The following SLC12A1 variants were observed in gnomAD, a reference collection of about 807,000 sequenced individuals.
SLC12A1 encodes solute carrier family 12 member 1.
In SLC12A1, 89 loss-of-function variants were observed where a neutral mutation model predicts 130.4. That is an observed-to-expected ratio of 0.68 (90% CI 0.58 to 0.81). SLC12A1 has a LOEUF of 0.81. Ranked by LOEUF, SLC12A1 falls within the 40% of genes least tolerant of loss-of-function variation. SLC12A1 has a pLI of 0.00. For missense variants in SLC12A1, 1,310 were observed against 1,336.4 expected, an observed-to-expected ratio of 0.98 and a Z score of 0.31; for synonymous variants, 499 against 460.0, an observed-to-expected ratio of 1.08 and a Z score of -1.09.
chr15:48,217,509 T>G (rs866702758), intron 2 of SLC12A1, among the ~76,000 whole-genome samples: 4 of 152,208 alleles, frequency 2.6e-5, no homozygotes, highest in African/African-American at 9.6e-5. Context: ...AACATATTCC[T>G]CAGGTAATTA....
Position 48,215,952 on chromosome 15 carries a change from C to A in SLC12A1, c.421-4682C>A, listed in dbSNP as rs527656618. 2.0e-5 allele frequency among the ~76,000 whole-genome samples: 3 copies of A among 152,246 alleles called. No homozygotes were observed. In the East Asian group the frequency reaches 5.8e-4, roughly 29 times the overall value. ...TCCAAGTATCCTAGTTTATACGGTGCAGGATTTTTTGGCTCCTACATGAGA... is the reference window on the plus strand; with the variant it reads ...TCCAAGTATCCTAGTTTATACGGTGAAGGATTTTTTGGCTCCTACATGAGA... On this transcript the variant is annotated intron_variant, in intron 2 of 26. Coordinates refer to ENST00000380993, the MANE Select transcript of SLC12A1 (RefSeq NM_000338.3).
chr15:48,271,454 C>A (rs909378413), intron 19 of SLC12A1, among the ~76,000 whole-genome samples: 1 of 152,114 alleles, frequency 6.6e-6, no homozygotes, highest in Non-Finnish European at 1.5e-5. Flanking sequence ...AACAAGTATA[C>A]GCTTAACACT....
chr15:48,235,345 TA>T (rs5812439), intron 9 of SLC12A1: 69 of 238,670 alleles, frequency 2.9e-4, no homozygotes, highest in East Asian at 1.9e-3. Context: ...CCTGTAAAAG[TA>T]AAAAAAAAAC....
intron 19 of SLC12A1, among the ~76,000 whole-genome samples, chr15:48,274,192 T>C (rs2041927048): frequency 6.6e-6 from 1 of 152,136 alleles, no homozygotes; most frequent in African/African-American, 2.4e-5. Context: ...TTGGGGGTGG[T>C]GGCTAATCAT....
chr15:48,240,898 T>C (rs2041508465), intron 9 of SLC12A1, among the ~76,000 whole-genome samples: 1 of 152,210 alleles, frequency 6.6e-6, no homozygotes, highest in Non-Finnish European at 1.5e-5. Flanking sequence ...TATACATTTA[T>C]AAGCAAGAGA....
chr15:48,238,024 GAAAA>G (rs201083408), intron 9 of SLC12A1, among the ~76,000 whole-genome samples: 1 of 150,378 alleles, frequency 6.6e-6, no homozygotes, highest in African/African-American at 2.4e-5. Context: ...AGAAGAAATA[GAAAA>G]AAAAATGTTT....
intron 24 of SLC12A1, among the ~76,000 whole-genome samples, chr15:48,292,904 T>C (rs540323843): frequency 5.3e-4 from 81 of 152,142 alleles, no homozygotes; most frequent in Non-Finnish European, 9.7e-4. Context: ...ATAACAATGA[T>C]ATTTTTGGGG....
At chr15:48,257,406 G>A (rs183382520) in intron 16 of SLC12A1, among the ~76,000 whole-genome samples, 30 of 152,224 alleles carry the variant, frequency 2.0e-4, no homozygotes, top group Middle Eastern at 3.4e-3. Flanking sequence ...TGGGGGCTCC[G>A]ACCCCACATT....
At chr15:48,302,693 G>A (rs917757133) in intron 26 of SLC12A1, 57 bp from the exon 27 acceptor site, 1 of 1,251,136 alleles carries the variant, frequency 8.0e-7, no homozygotes, top group East Asian at 2.5e-5. Flanking sequence ...TACTAGTGCC[G>A]TTACTACCTA....
intron 17 of SLC12A1, among the ~76,000 whole-genome samples, chr15:48,260,348 T>TCACACACACACA (rs10673427): frequency 7.6e-5 from 11 of 144,338 alleles, no homozygotes; most frequent in Non-Finnish European, 1.5e-4. Flanking sequence ...TCTCTCTCTA[T>TCACACACACACA]CACACACACA....
At chr15:48,265,420 T>C (rs1465160317) in intron 17 of SLC12A1, among the ~76,000 whole-genome samples, 1 of 152,230 alleles carries the variant, frequency 6.6e-6, no homozygotes, top group African/African-American at 2.4e-5. Flanking sequence ...CTGTTTGTTA[T>C]TCTTCTATCT....
chr15:48,254,659 C>T (rs796990193), intron 15 of SLC12A1, among the ~76,000 whole-genome samples: 25 of 145,146 alleles, frequency 1.7e-4, no homozygotes, highest in African/African-American at 6.3e-4. Flanking sequence ...CGGTGGCTCA[C>T]GCCTGTAATC....
chr15:48,289,436 AACT>A (rs2042096781), intron 23 of SLC12A1, among the ~76,000 whole-genome samples: 26 of 115,138 alleles, frequency 2.3e-4, no homozygotes, highest in African/African-American at 9.4e-4. Context: ...TATAATGTAT[AACT>A]ATGTATAACT....
intron 23 of SLC12A1, among the ~76,000 whole-genome samples, chr15:48,289,081 T>C (rs1221183777): frequency 6.8e-6 from 1 of 146,906 alleles, no homozygotes; most frequent in Non-Finnish European, 1.5e-5. Flanking sequence ...GGGATGACTG[T>C]AGAGAACTCT....
chr15:48,214,531 T>C (rs1369330449), intron 2 of SLC12A1, among the ~76,000 whole-genome samples: 1 of 152,198 alleles, frequency 6.6e-6, no homozygotes, highest in Non-Finnish European at 1.5e-5. Context: ...GGTAGTGATT[T>C]ATAGGCATAA....
In SLC12A1 at chr15:48,274,556, T is replaced by G. The variant is rs1364069491; in HGVS notation, c.2403-15T>G. On this transcript the variant is annotated splice_polypyrimidine_tract_variant and intron_variant, in intron 19 of 26. Coordinates refer to ENST00000380993, the MANE Select transcript of SLC12A1 (RefSeq NM_000338.3). ...GAGCCATTTAAAACGCTGACTGCTT[T>G]GCTTCCTCTTTCAGTGATGCATTTG... The G allele has an allele frequency of 2.1e-5, 34 of 1,596,482 alleles. No individual in the cohort carries two copies. Among genetic ancestry groups the G allele is most frequent in the Non-Finnish European group, 2.8e-5 (33 of 1,165,902 alleles).
At chr15:48,247,962 A>G (rs1476100459) in intron 13 of SLC12A1, among the ~76,000 whole-genome samples, 1 of 152,190 alleles carries the variant, frequency 6.6e-6, no homozygotes, top group Non-Finnish European at 1.5e-5. Flanking sequence ...AGATTCGTAG[A>G]CCACTGGCAT....
intron 17 of SLC12A1, 100 bp downstream of exon 17, chr15:48,259,411 CA>C (rs1215893446): frequency 1.3e-5 from 11 of 830,560 alleles, no homozygotes; most frequent in African/African-American, 1.7e-5. Context: ...AGGAAAATAG[CA>C]AAAAAACAGT....
chr15:48,265,759 T>G (rs2041825478), intron 17 of SLC12A1, among the ~76,000 whole-genome samples: 1 of 152,172 alleles, frequency 6.6e-6, no homozygotes, highest in South Asian at 2.1e-4. Context: ...ATAAAGAGTC[T>G]GATCCAATTT....
Sources: gnomAD v4.1 joint callset for allele counts (sites outside exome capture counted in the v4.1 genomes callset) on GRCh38, gnomAD v4.1.1 for gene constraint, MANE v1.5 for transcripts, NCBI Gene and HGNC (gene_info 2026-07-23, HGNC 2026-07-21) for gene names.